The following PGCKA1 variants were observed in gnomAD, a reference collection of about 807,000 sequenced individuals.
PGCKA1 encodes PDCD10 and GCKIII kinases associated 1, also known as PDCD10 and GCKIII kinases-associated protein 1.
the PGCKA1 span, among the ~76,000 whole-genome samples, chr4:37,487,047 A>T: frequency 1.3e-5 from 2 of 152,192 alleles, no homozygotes; most frequent in African/African-American, 4.8e-5. Flanking sequence ...CTACACTGGG[A>T]GTGATTGATG....
At chr4:37,561,981 CT>C in the PGCKA1 span, among the ~76,000 whole-genome samples, 1 of 152,200 alleles carries the variant, frequency 6.6e-6, no homozygotes, top group Non-Finnish European at 1.5e-5. Context: ...CCTAGGACCA[CT>C]AGACAACACG....
chr4:37,461,293 G>A, the PGCKA1 span, among the ~76,000 whole-genome samples: 20 of 151,992 alleles, frequency 1.3e-4, no homozygotes, highest in Non-Finnish European at 2.2e-4. Flanking sequence ...TGTCTTGGCT[G>A]TATGGACTCT....
the PGCKA1 span, among the ~76,000 whole-genome samples, chr4:37,467,366 A>T: frequency 6.6e-6 from 1 of 152,306 alleles, no homozygotes; most frequent in South Asian, 2.1e-4. Flanking sequence ...ACATTTCTGT[A>T]CTCGAGTTTT....
At chr4:37,574,202 A>G in the PGCKA1 span, among the ~76,000 whole-genome samples, 1 of 152,204 alleles carries the variant, frequency 6.6e-6, no homozygotes, top group African/African-American at 2.4e-5. Flanking sequence ...AAAAAAAAGA[A>G]AAAACTCATT....
the PGCKA1 span, among the ~76,000 whole-genome samples, chr4:37,556,005 A>C: frequency 6.6e-6 from 1 of 152,286 alleles, no homozygotes; most frequent in South Asian, 2.1e-4. Context: ...ACCACCTGGC[A>C]TCCCACCCTA....
chr4:37,555,689 C>T, the PGCKA1 span, among the ~76,000 whole-genome samples: 3 of 152,126 alleles, frequency 2.0e-5, no homozygotes, highest in African/African-American at 7.2e-5. Flanking sequence ...AAAATGGTCT[C>T]GATCCTCTGC....
At chr4:37,499,544 C>G in the PGCKA1 span, among the ~76,000 whole-genome samples, 1 of 152,094 alleles carries the variant, frequency 6.6e-6, no homozygotes, top group South Asian at 2.1e-4. Flanking sequence ...GAGGCTGTGT[C>G]CAGGAATTTA....
chr4:37,509,730 G>A, the PGCKA1 span, among the ~76,000 whole-genome samples: 1 of 151,606 alleles, frequency 6.6e-6, no homozygotes, highest in African/African-American at 2.4e-5. Context: ...CGAGGCCGAG[G>A]CTGGCAGATC....
the PGCKA1 span, among the ~76,000 whole-genome samples, chr4:37,464,285 G>A: frequency 6.6e-6 from 1 of 152,174 alleles, no homozygotes; most frequent in East Asian, 1.9e-4. Context: ...CGGTAATGAG[G>A]GCTGGACTCT....
the PGCKA1 span, among the ~76,000 whole-genome samples, chr4:37,460,144 T>C: frequency 6.6e-6 from 1 of 152,202 alleles, no homozygotes. Flanking sequence ...GCATTATCCA[T>C]GTCCCTACAG....
At chr4:37,570,667 C>A in the PGCKA1 span, among the ~76,000 whole-genome samples, 2 of 152,208 alleles carry the variant, frequency 1.3e-5, no homozygotes, top group Non-Finnish European at 2.9e-5. Context: ...TGTGAAATCT[C>A]AAGCTGTGTT....
the PGCKA1 span, among the ~76,000 whole-genome samples, chr4:37,519,470 G>A: frequency 6.6e-6 from 1 of 152,042 alleles, no homozygotes; most frequent in Non-Finnish European, 1.5e-5. Context: ...TCATTTGAGA[G>A]ATCTTTCACT....
At chr4:37,513,414 T>C in the PGCKA1 span, among the ~76,000 whole-genome samples, 511 of 152,308 alleles carry the variant, frequency 3.4e-3, 4 homozygotes, top group African/African-American at 0.012. Context: ...TTGTTTAGTT[T>C]CTAGTGAGGA....
At chr4:37,474,383 A>T in the PGCKA1 span, among the ~76,000 whole-genome samples, 1,914 of 152,264 alleles carry the variant, frequency 0.013, 60 homozygotes, top group East Asian at 0.11. Flanking sequence ...TTATTTATAA[A>T]TTACTCAGTC....
the PGCKA1 span, among the ~76,000 whole-genome samples, chr4:37,540,387 C>CTAAG: frequency 6.6e-6 from 1 of 152,142 alleles, no homozygotes; most frequent in Non-Finnish European, 1.5e-5. Flanking sequence ...TTGGCATAAA[C>CTAAG]TAAGGACTAA....
At chr4:37,529,109 A>G in the PGCKA1 span, among the ~76,000 whole-genome samples, 1 of 150,670 alleles carries the variant, frequency 6.6e-6, no homozygotes, top group Admixed American at 6.8e-5. Context: ...TAAGTTTTAT[A>G]AAGCATGATG....
the PGCKA1 span, among the ~76,000 whole-genome samples, chr4:37,469,757 A>G: frequency 6.6e-6 from 1 of 152,208 alleles, no homozygotes; most frequent in Admixed American, 6.5e-5. Flanking sequence ...ACATATAGTT[A>G]CTGAATTTTC....
chr4:37,574,197 AAAG>A, the PGCKA1 span, among the ~76,000 whole-genome samples: 1 of 152,184 alleles, frequency 6.6e-6, no homozygotes, highest in Non-Finnish European at 1.5e-5. Flanking sequence ...CAAAAAAAAA[AAAG>A]AAAAAACTCA....
At chr4:37,579,908 A>G in the PGCKA1 span, among the ~76,000 whole-genome samples, 2 of 152,038 alleles carry the variant, frequency 1.3e-5, no homozygotes, top group African/African-American at 4.8e-5. Context: ...TAACTCTTAG[A>G]TTTGCCCTTT....
Sources: allele counts gnomAD v4.1 joint callset (sites outside exome capture counted in the v4.1 genomes callset), GRCh38; gene constraint gnomAD v4.1.1; transcripts MANE v1.5; gene names NCBI Gene and HGNC (gene_info 2026-07-23, HGNC 2026-07-21).